Variants in PCDHAC1 observed in about 807,000 individuals in gnomAD.
PCDHAC1 encodes protocadherin alpha subfamily C, 1, also known as protocadherin alpha-C1.
In PCDHAC1, 42 loss-of-function variants were observed where a neutral mutation model predicts 60.0. The ratio of observed to expected loss-of-function variants is 0.70; its 90% CI spans 0.55 to 0.90. PCDHAC1 has a LOEUF of 0.90. PCDHAC1 is among the 40% of genes least tolerant of loss of function. The pLI, the probability that PCDHAC1 is intolerant of heterozygous loss-of-function variation, is 0.00. For missense variants in PCDHAC1, 1,160 were observed against 1,222.3 expected (o/e 0.95, Z 0.76); for synonymous variants, 468 against 499.3 (o/e 0.94, Z 0.84).
chr5:140,970,641 T>C (rs1430565577), intron 1 of PCDHAC1, among the ~76,000 whole-genome samples: 1 of 152,170 alleles, frequency 6.6e-6, no homozygotes, highest in African/African-American at 2.4e-5. Context: ...GTACCATAAA[T>C]AGTGATGAAT....
At chr5:140,990,107 A>C (rs1359747896) in intron 3 of PCDHAC1, among the ~76,000 whole-genome samples, 1 of 152,044 alleles carries the variant, frequency 6.6e-6, no homozygotes, top group East Asian at 1.9e-4. Context: ...TGAAACAGGA[A>C]ATTGAGAGCT....
intron 1 of PCDHAC1, among the ~76,000 whole-genome samples, chr5:140,942,493 C>T (rs1334279065): frequency 1.3e-5 from 2 of 151,366 alleles, no homozygotes; most frequent in Non-Finnish European, 2.9e-5. Context: ...GAAATAAATA[C>T]ATGGTATCTA....
In PCDHAC1 at chr5:140,927,008, T is replaced by C. The variant is rs1482906318; in HGVS notation, c.116T>C (p.Leu39Pro). Residue 39 changes from leucine (L) to proline (P), a missense_variant, in exon 1 of 4, where the codon CTC becomes CCC. By Grantham distance (98) the Leu-to-Pro change is moderately conservative. Transcript: ENST00000253807. ...GAGCGGGGCGTAGCCGTAGGCAATC[T>C]CTCCGCGGACTTGAGGCTGCCAGCG... The part of the protein sequence containing the change: ...ETERGVAVGN[L>P]SADLRLPAAA... 1 of 1,612,396 alleles carries C rather than the reference T, an allele frequency of 6.2e-7. No homozygotes were observed. Among genetic ancestry groups the C allele is most frequent in the Admixed American group, 1.7e-5 (1 of 59,884 alleles).
In PCDHAC1 at chr5:141,010,527, G is replaced by T; in HGVS notation, c.*590G>T. On this transcript the variant is annotated 3_prime_UTR_variant, in exon 4 of 4. Transcript: ENST00000253807. ...AAATCTTACAACTCAAGAGGTGGCA[G>T]CCACCCTCTAGGAGACAAAACTACC... The T allele has an allele frequency of 2.3e-6, 1 of 431,062 alleles. No homozygotes were observed. Among genetic ancestry groups the T allele is most frequent in the African/African-American group, 2.0e-5 (1 of 49,970 alleles). 26.7% of individuals were successfully genotyped at this position (431,062 alleles called of 1,614,324 possible).
chr5:140,965,928 C>T (rs2095948805), intron 1 of PCDHAC1, among the ~76,000 whole-genome samples: 1 of 152,198 alleles, frequency 6.6e-6, no homozygotes, highest in South Asian at 2.1e-4. Flanking sequence ...GGCTTGCTCC[C>T]GGAAAGAGGG....
At chr5:140,939,521 T>C (rs540311861) in intron 1 of PCDHAC1, among the ~76,000 whole-genome samples, 3 of 152,326 alleles carry the variant, frequency 2.0e-5, no homozygotes, top group Non-Finnish European at 2.9e-5. Flanking sequence ...TTAATAGTTA[T>C]AGAATTATAC....
intron 2 of PCDHAC1, 71 bp downstream of exon 2, chr5:140,979,078 A>C (rs2240296): frequency 3.8e-6 from 6 of 1,583,342 alleles, no homozygotes; most frequent in South Asian, 1.1e-5. Flanking sequence ...CTGCATCTCC[A>C]TAGGCCAGAA....
intron 2 of PCDHAC1, among the ~76,000 whole-genome samples, chr5:140,979,467 ATTG>A (rs1219222898): frequency 6.6e-6 from 1 of 151,680 alleles, no homozygotes; most frequent in Non-Finnish European, 1.5e-5. Context: ...ATTGATTGCT[ATTG>A]TTGTTTGTGT....
At chr5:140,965,716 C>T (rs75761543) in intron 1 of PCDHAC1, among the ~76,000 whole-genome samples, 2,507 of 152,272 alleles carry the variant, frequency 0.016, 70 homozygotes, top group African/African-American at 0.056. Flanking sequence ...AGAAGAATCT[C>T]TTTAAAAATT....
At position 140,926,889 on chromosome 5, in the gene PCDHAC1, G is replaced by A; in HGVS notation, c.-4G>A. Reference sequence around the variant, plus strand: ...TTGGTGGAACGTGGACGCCTAGAGGGAGGATGGTGGGCTGTGGGGTGGCAG... The same window carrying A: ...TTGGTGGAACGTGGACGCCTAGAGGAAGGATGGTGGGCTGTGGGGTGGCAG... On this transcript the variant is annotated 5_prime_UTR_variant, in exon 1 of 4. Coordinates refer to ENST00000253807, the MANE Select transcript of PCDHAC1 (RefSeq NM_018898.5). The A allele has an allele frequency of 6.5e-7, 1 of 1,545,026 alleles. No individual in the cohort carries two copies. Among genetic ancestry groups the A allele is most frequent in the Non-Finnish European group, 8.7e-7 (1 of 1,144,020 alleles).
At position 140,928,086 on chromosome 5, in the gene PCDHAC1, G is replaced by A. The variant is rs17844363; in HGVS notation, c.1194G>A (p.Leu398=). The A allele has an allele frequency of 1.9e-4, 304 of 1,614,206 alleles. No homozygotes were observed. The East Asian group carries it at 3.7e-3, about 20-fold the overall frequency. Residue 398 remains leucine, a synonymous_variant, in exon 1 of 4, where the codon CTG becomes CTA. Transcript: ENST00000253807. ...CCTTTGACAACTACTACAGCCTGCT[G>A]ATTGATGGGCCCCTGGACCGGGAGC... ...TASFDNYYSL[L]IDGPLDREQI...
chr5:140,944,317 A>G (rs2093641596), intron 1 of PCDHAC1, among the ~76,000 whole-genome samples: 2 of 152,090 alleles, frequency 1.3e-5, no homozygotes. Flanking sequence ...CCTCCTGAGT[A>G]GCTGGGATTA....
Position 140,977,158 on chromosome 5 carries a change from A to G in PCDHAC1, c.2434-1791A>G, listed in dbSNP as rs6862693. Among the ~76,000 whole-genome samples, 983 of 152,340 alleles carry G rather than the reference A, an allele frequency of 6.5e-3. 6 individuals carry two copies. The highest frequency in any genetic ancestry group is 0.023 in the African/African-American group (951 of 41,586). ...CAGTCCTGCTGGAACTGTGCCTTTC[A>G]GCAAAATGAGTTTGATGATTTCATT... On this transcript the variant is annotated intron_variant, in intron 1 of 3. Transcript: ENST00000253807.
Position 141,010,126 on chromosome 5 carries a change from C to G in PCDHAC1, c.*189C>G, listed in dbSNP as rs2098416139. ...TTTTGTCGTAAAAGCTTTACTAAGT[C>G]TGGTGTTAACTCTTTCTCTCCACTC... On this transcript the variant is annotated 3_prime_UTR_variant, in exon 4 of 4. Coordinates refer to ENST00000253807, the MANE Select transcript of PCDHAC1 (RefSeq NM_018898.5). 1 of 1,602,246 alleles carries G rather than the reference C, an allele frequency of 6.2e-7. No homozygotes were observed. The highest frequency in any genetic ancestry group is 8.5e-7 in the Non-Finnish European group (1 of 1,173,654).
intron 1 of PCDHAC1, among the ~76,000 whole-genome samples, chr5:140,971,957 AC>A (rs1360214556): frequency 6.6e-6 from 1 of 152,060 alleles, no homozygotes; most frequent in Non-Finnish European, 1.5e-5. Flanking sequence ...GACTCCAAAA[AC>A]TTTTTTTCAA....
At chr5:140,956,474 C>G (rs1585669580) in intron 1 of PCDHAC1, among the ~76,000 whole-genome samples, 1 of 152,160 alleles carries the variant, frequency 6.6e-6, no homozygotes, top group East Asian at 1.9e-4. Flanking sequence ...ATATGTTGAA[C>G]CAGTCTTGCA....
Position 140,927,032 on chromosome 5 carries a change from C to T in PCDHAC1, c.140C>T (p.Ala47Val). 1 of 1,612,120 alleles carries T rather than the reference C, an allele frequency of 6.2e-7. No homozygotes were observed. Among genetic ancestry groups the T allele is most frequent in the Non-Finnish European group, 8.5e-7 (1 of 1,178,810 alleles). ...GNLSADLRLPAAAMSSRNFRF... is the reference protein window; with the variant it reads ...GNLSADLRLPVAAMSSRNFRF... ...CTCTCCGCGGACTTGAGGCTGCCAG[C>T]GGCCGCTATGTCCTCGCGGAACTTT... Residue 47 changes from alanine (A) to valine (V), a missense_variant, in exon 1 of 4, where the codon GCG (alanine) becomes GTG (valine). Ala to Val is a moderately conservative substitution (Grantham distance 64, BLOSUM62 0). Transcript: ENST00000253807.
chr5:140,968,363 G>A, intron 1 of PCDHAC1: 1 of 1,614,090 alleles, frequency 6.2e-7, no homozygotes, highest in Non-Finnish European at 8.5e-7. Flanking sequence ...CAGCCTTTAT[G>A]CTGTCAACTC....
In PCDHAC1 at chr5:140,978,987, C is replaced by T; in HGVS notation, c.2472C>T (p.Ser824=). 4 of 1,614,162 alleles carry T rather than the reference C, an allele frequency of 2.5e-6. No homozygotes were observed. In the South Asian group the frequency reaches 3.3e-5, roughly 13 times the overall value. The change falls in exon 2 of 4, where the codon TCC becomes TCT. Residue 824 remains serine (S), a synonymous_variant. Transcript: ENST00000253807. ...QPNPDWRYSA[S]LRAGMHSSVH... ...ACCCTGACTGGCGTTACTCTGCCTC[C>T]CTGAGAGCAGGCATGCACAGGTATG...
Sources: gnomAD v4.1 joint callset for allele counts (sites outside exome capture counted in the v4.1 genomes callset) on GRCh38, gnomAD v4.1.1 for gene constraint, MANE v1.5 for transcripts, NCBI Gene and HGNC (gene_info 2026-07-23, HGNC 2026-07-21) for gene names.